MIPOL1: variants seen among roughly 807,000 people sequenced by gnomAD.
MIPOL1 encodes the protein mirror-image polydactyly 1.
In MIPOL1, 57 loss-of-function variants were observed where a neutral mutation model predicts 60.9. The observed-to-expected ratio is 0.94, with a 90% CI of 0.76 to 1.17. MIPOL1 has a LOEUF of 1.17. Among genes scored for constraint, MIPOL1 ranks in the 50% most tolerant of loss-of-function variants. The probability of loss-of-function intolerance (pLI) is 0.00; values close to 1 mark genes in which losing one functional copy is unlikely to be tolerated. For missense variants in MIPOL1, 551 were observed against 511.6 expected (o/e 1.08, Z -0.74); for synonymous variants, 179 against 168.8 (o/e 1.06, Z -0.47).
At chr14:37,545,583 T>G (rs2095544306) in intron 12 of MIPOL1, 2 of 542,972 alleles carry the variant, frequency 3.7e-6, no homozygotes, top group African/African-American at 3.9e-5. Context: ...CTTTTTACTC[T>G]AAGATCATTA....
intron 11 of MIPOL1, among the ~76,000 whole-genome samples, chr14:37,430,680 A>G (rs992189082): frequency 2.6e-5 from 4 of 152,220 alleles, no homozygotes; most frequent in Admixed American, 2.6e-4. Context: ...TAATATGAAA[A>G]TCAGTGAGAT....
chr14:37,248,018 G>C, intron 3 of MIPOL1, 111 bp downstream of exon 3: 1 of 963,722 alleles, frequency 1.0e-6, no homozygotes, highest in Non-Finnish European at 1.6e-6. Flanking sequence ...AGACAAGTGC[G>C]CACACACACA....
intron 9 of MIPOL1, among the ~76,000 whole-genome samples, chr14:37,357,812 G>A (rs570468958): frequency 1.3e-5 from 2 of 151,634 alleles, no homozygotes; most frequent in East Asian, 1.9e-4. Flanking sequence ...TGCTTGTGGG[G>A]TATTGCTCAA....
At chr14:37,475,176 G>C (rs1204443729) in intron 11 of MIPOL1, among the ~76,000 whole-genome samples, 1 of 152,050 alleles carries the variant, frequency 6.6e-6, no homozygotes, top group African/African-American at 2.4e-5. Flanking sequence ...TGTGGGCCAG[G>C]CTAGTCTTGA....
At chr14:37,407,886 G>T (rs555580880) in intron 10 of MIPOL1, among the ~76,000 whole-genome samples, 1 of 104,534 alleles carries the variant, frequency 9.6e-6, no homozygotes, top group Admixed American at 1.6e-4. Context: ...GTCTCACTCT[G>T]TCACTCAGGC....
chr14:37,205,426 C>T (rs1965928773), intron 1 of MIPOL1, among the ~76,000 whole-genome samples: 1 of 151,936 alleles, frequency 6.6e-6, no homozygotes, highest in African/African-American at 2.4e-5. Context: ...TTTTAAGCAA[C>T]AAAGCTTTCA....
intron 10 of MIPOL1, among the ~76,000 whole-genome samples, chr14:37,408,802 C>A (rs1040836073): frequency 6.6e-6 from 1 of 152,168 alleles, no homozygotes; most frequent in Non-Finnish European, 1.5e-5. Context: ...CTGCAGGGAC[C>A]CTCCTGTTGC....
chr14:37,371,843 A>G (rs980293251), intron 10 of MIPOL1, among the ~76,000 whole-genome samples: 2 of 152,130 alleles, frequency 1.3e-5, no homozygotes, highest in Admixed American at 1.3e-4. Context: ...TTATAGCACT[A>G]TGTACCTTTA....
chr14:37,522,048 C>T (rs1009536403), intron 12 of MIPOL1, among the ~76,000 whole-genome samples: 5 of 149,470 alleles, frequency 3.3e-5, no homozygotes, highest in Non-Finnish European at 7.4e-5. Flanking sequence ...TTTGCTCAAC[C>T]CTTTTACTCT....
rs368837675 is a variant in MIPOL1, at chr14:37,233,172, A to G, written c.-198-13931A>G. Among the ~76,000 whole-genome samples, 23 of 152,290 alleles carry G rather than the reference A, an allele frequency of 1.5e-4. No individual in the cohort carries two copies. In the East Asian group the frequency reaches 3.3e-3, roughly 22 times the overall value. ...CATTTGGGCTTGATTCAGTAATTCA[A>G]TACTCCCTAAAATTTCCAGTCATTC... On this transcript the variant is annotated intron_variant, in intron 1 of 12. Transcript: ENST00000684589.
intron 10 of MIPOL1, among the ~76,000 whole-genome samples, chr14:37,389,163 G>A (rs573726623): frequency 6.6e-6 from 1 of 151,664 alleles, no homozygotes; most frequent in African/African-American, 2.4e-5. Context: ...AATAGGGGAA[G>A]AATGATTTTC....
chr14:37,493,889 A>G (rs781715895), intron 11 of MIPOL1, among the ~76,000 whole-genome samples: 15 of 152,198 alleles, frequency 9.9e-5, no homozygotes, highest in Non-Finnish European at 1.6e-4. Context: ...GTAACTTAAA[A>G]TATGTTCCTA....
intron 7 of MIPOL1, among the ~76,000 whole-genome samples, chr14:37,293,628 A>G (rs1055104053): frequency 1.3e-5 from 2 of 152,150 alleles, no homozygotes; most frequent in African/African-American, 2.4e-5. Flanking sequence ...CGCTTTTCCA[A>G]TGGGCTTATC....
rs1190428738 is a variant in MIPOL1 at position 37,300,541 on chromosome 14, T to A, written c.624-7515T>A. ...TTTGTTTTGAGACGGGGTCTTGCTC[T>A]ATTGTCCTGGCTGGAGTGCAGTGGT... On this transcript the variant is annotated intron_variant, in intron 7 of 12. Transcript: ENST00000684589. Among the ~76,000 whole-genome samples the A allele has an allele frequency of 1.3e-4, 2 of 15,892 alleles. 1 individual carries two copies. The highest frequency in any genetic ancestry group is 1.6e-4 in the African/African-American group (2 of 12,606). The allele number at this position is 15,892 out of a possible 152,430, so 10.4% of individuals were successfully genotyped here.
intron 3 of MIPOL1, among the ~76,000 whole-genome samples, chr14:37,250,994 A>G (rs530825588): frequency 1.3e-5 from 2 of 152,258 alleles, no homozygotes; most frequent in African/African-American, 2.4e-5. Flanking sequence ...ACATTTTGGA[A>G]AATGGAAAGC....
intron 9 of MIPOL1, among the ~76,000 whole-genome samples, chr14:37,311,579 T>TA (rs1302374156): frequency 3.3e-5 from 5 of 152,216 alleles, no homozygotes; most frequent in African/African-American, 1.2e-4. Context: ...ATTGTATACT[T>TA]ACACTTTTGA....
intron 11 of MIPOL1, among the ~76,000 whole-genome samples, chr14:37,457,409 G>T (rs2094489392): frequency 6.6e-6 from 1 of 152,132 alleles, no homozygotes; most frequent in African/African-American, 2.4e-5. Flanking sequence ...CACACACTGG[G>T]TTTCCAGCAA....
chr14:37,446,518 A>G (rs1328811110), intron 11 of MIPOL1, among the ~76,000 whole-genome samples: 1 of 152,126 alleles, frequency 6.6e-6, no homozygotes. Context: ...CAGTGTGGCG[A>G]TTCCTCAGGG....
intron 12 of MIPOL1, among the ~76,000 whole-genome samples, chr14:37,540,924 C>G (rs1467755760): frequency 2.0e-5 from 3 of 152,244 alleles, no homozygotes; most frequent in South Asian, 2.1e-4. Context: ...CATTCTCTAT[C>G]CCTCTTGTTC....
Sources: gnomAD v4.1 joint callset for allele counts (sites outside exome capture counted in the v4.1 genomes callset) on GRCh38, gnomAD v4.1.1 for gene constraint, MANE v1.5 for transcripts, NCBI Gene and HGNC (gene_info 2026-07-23, HGNC 2026-07-21) for gene names.